Variants in GPR180 observed in about 807,000 individuals in gnomAD.
The protein encoded by GPR180 is integral membrane protein GPR180.
GPR180 carries 53 observed loss-of-function variants against 52.6 expected under a neutral mutation model. The ratio of observed to expected loss-of-function variants is 1.01; its 90% confidence interval spans 0.81 to 1.27. GPR180 has a LOEUF of 1.27. GPR180 is among the 50% of genes most tolerant of loss of function. The pLI is 0.00. For missense variants in GPR180, 533 were observed against 527.0 expected (o/e 1.01, Z -0.11); for synonymous variants, 200 against 193.1 (o/e 1.04, Z -0.30).
intron 2 of GPR180, 132 bp downstream of exon 2, chr13:94,605,681 C>T (rs1226981972): frequency 4.4e-6 from 3 of 675,840 alleles, no homozygotes; most frequent in Middle Eastern, 4.0e-4. Flanking sequence ...TTGTCTAGTA[C>T]ATTTTAAGCT....
At chr13:94,624,087 G>C (rs1172052690) in intron 7 of GPR180, among the ~76,000 whole-genome samples, 1 of 152,144 alleles carries the variant, frequency 6.6e-6, no homozygotes, top group Non-Finnish European at 1.5e-5. Flanking sequence ...ACATGAGATC[G>C]TGTCACTTTA....
Position 94,601,987 on chromosome 13 carries a change from C to T in GPR180, c.60C>T (p.Ser20=), listed in dbSNP as rs1279198737. The part of the protein sequence containing the change: ...ALTCCWWPQG[S]QGKTLRGSFS... ...CGTGCTGCTGGTGGCCGCAGGGCAG[C>T]CAGGGTAAGACCCTGCGGGGCAGCT... The change falls in exon 1 of 9, where the codon AGC becomes AGT. Residue 20 remains serine, a synonymous_variant. Coordinates refer to ENST00000376958, the MANE Select transcript of GPR180 (RefSeq NM_180989.6). The T allele has an allele frequency of 1.0e-5, 15 of 1,495,694 alleles. No individual in the cohort carries two copies. Among genetic ancestry groups the T allele is most frequent in the Non-Finnish European group, 1.3e-5 (15 of 1,128,056 alleles). 92.7% of individuals were successfully genotyped at this position (1,495,694 alleles called of 1,614,324 possible).
rs758708980 is a variant in GPR180 at position 94,631,979 on chromosome 13, A to C, written c.*4808A>C. 1.3e-5 allele frequency: 2 copies of C among 152,214 alleles called. No homozygotes were observed. The highest frequency in any genetic ancestry group is 1.3e-4 in the Admixed American group (2 of 15,278). The allele number at this position is 152,214 out of a possible 1,614,324, so 9.4% of individuals were successfully genotyped here. On this transcript the variant is annotated 3_prime_UTR_variant, in exon 9 of 9. Transcript: ENST00000376958. ...GTCAGCTAGAGGAGGGAATGTTGAC[A>C]GTAGTCAGAAGCAGCTGGGAAAAGA...
chr13:94,605,729 G>A (rs111362190), intron 2 of GPR180, among the ~76,000 whole-genome samples, 180 bp downstream of exon 2: 6 of 151,254 alleles, frequency 4.0e-5, no homozygotes, highest in African/African-American at 9.7e-5. Flanking sequence ...ATCATTCATC[G>A]TTTTTGAAAA....
At position 94,626,980 on chromosome 13, in the gene GPR180, G is replaced by A. The variant is rs777625293; in HGVS notation, c.1165-33G>A. The A allele has an allele frequency of 6.8e-6, 10 of 1,479,678 alleles. No individual in the cohort carries two copies. The South Asian group carries it at 1.0e-4, about 15-fold the overall frequency. 91.7% of individuals were successfully genotyped at this position (1,479,678 alleles called of 1,614,324 possible). A position where few individuals can be genotyped will look rare whatever the true frequency, so the allele number is the denominator to read the frequency against. ...GAATATTATTTCTCTATTTCTGCAT[G>A]TAGTAAAAGCATTCCTTTCCTTTTC... On this transcript the variant is annotated intron_variant, in intron 8 of 8. Coordinates refer to ENST00000376958, the MANE Select transcript of GPR180 (RefSeq NM_180989.6).
intron 4 of GPR180, 59 bp downstream of exon 4, chr13:94,619,389 C>T: frequency 6.3e-7 from 1 of 1,595,064 alleles, no homozygotes; most frequent in African/African-American, 1.3e-5. Flanking sequence ...CTAATTAGTC[C>T]ACCAAAATTA....
In GPR180 at chr13:94,627,164, A is replaced by G; in HGVS notation, c.1316A>G (p.His439Arg). The G allele has an allele frequency of 1.2e-6, 2 of 1,611,986 alleles. No individual in the cohort carries two copies. The highest frequency in any genetic ancestry group is 1.7e-6 in the Non-Finnish European group (2 of 1,179,216). Residue 439 changes from histidine to arginine, a missense_variant, in exon 9 of 9, where the codon CAT becomes CGT. By Grantham distance (29) the His-to-Arg change is conservative (BLOSUM62 0). Coordinates refer to ENST00000376958, the MANE Select transcript of GPR180 (RefSeq NM_180989.6). ...TISSGHKSRP[H>R]F ...TCATCTGGACACAAAAGTCGCCCTCATTTCTGATACTTGATTTTTGTTGAG... is the reference window on the plus strand; with the variant it reads ...TCATCTGGACACAAAAGTCGCCCTCGTTTCTGATACTTGATTTTTGTTGAG...
intron 2 of GPR180, among the ~76,000 whole-genome samples, chr13:94,608,282 T>A (rs1227750442): frequency 6.6e-6 from 1 of 152,202 alleles, no homozygotes; most frequent in Non-Finnish European, 1.5e-5. Context: ...TTCATGATAG[T>A]TCCAAAATGC....
intron 1 of GPR180, among the ~76,000 whole-genome samples, chr13:94,602,325 G>A (rs1036170531): frequency 2.0e-5 from 3 of 152,210 alleles, no homozygotes; most frequent in Non-Finnish European, 4.4e-5. Context: ...GCACCTGAAA[G>A]CTGGTTTCCA....
chr13:94,619,025 G>T (rs1944685926), intron 3 of GPR180, 125 bp from the exon 4 acceptor site: 1 of 780,304 alleles, frequency 1.3e-6, no homozygotes. Context: ...TCTTACAAAG[G>T]TGAATGCTAT....
At chr13:94,619,641 G>A in intron 5 of GPR180, 124 bp downstream of exon 5, 1 of 777,418 alleles carries the variant, frequency 1.3e-6, no homozygotes, top group Non-Finnish European at 2.1e-6. Context: ...ACTGAGAACA[G>A]GATTACAGTT....
Position 94,623,284 on chromosome 13 carries a change from A to G in GPR180, c.1070A>G (p.Tyr357Cys), listed in dbSNP as rs1293628957. Reference protein sequence around the residue: ...VERSTLKREFYITFAKGCILW... With the variant: ...VERSTLKREFCITFAKGCILW... ...AGAAGTACACTCAAAAGGGAGTTCT[A>G]CATCACATTTGCCAAAGTATGGGTT... The change falls in exon 7 of 9, where the codon TAC (tyrosine) becomes TGC (cysteine). Residue 357 changes from tyrosine (Y) to cysteine (C), a missense_variant. Physicochemically the swap from Tyr to Cys is radical, Grantham distance 194. Transcript: ENST00000376958. 3.1e-6 allele frequency: 5 copies of G among 1,612,004 alleles called. No individual in the cohort carries two copies. The highest frequency in any genetic ancestry group is 4.5e-5 in the East Asian group (2 of 44,864).
At chr13:94,623,322 C>A (rs4296139) in intron 7 of GPR180, 22 bp downstream of exon 7, 2 of 1,577,048 alleles carry the variant, frequency 1.3e-6, no homozygotes, top group South Asian at 2.2e-5. Flanking sequence ...GAAAGAAAAT[C>A]GTTTATTCTG....
At chr13:94,619,845 AGTAGCT>A (rs1483760365) in intron 5 of GPR180, among the ~76,000 whole-genome samples, 3 of 152,014 alleles carry the variant, frequency 2.0e-5, no homozygotes, top group African/African-American at 4.8e-5. Flanking sequence ...AGGCCTTCCC[AGTAGCT>A]GGGATTACAG....
At chr13:94,611,071 G>C (rs1184600459) in intron 2 of GPR180, among the ~76,000 whole-genome samples, 1 of 152,148 alleles carries the variant, frequency 6.6e-6, no homozygotes, top group African/African-American at 2.4e-5. Context: ...GAAAGTGAGT[G>C]TCATTGCTTA....
In GPR180 at chr13:94,628,060, G is replaced by A. The variant is rs1251549458; in HGVS notation, c.*889G>A. On this transcript the variant is annotated 3_prime_UTR_variant, in exon 9 of 9. Coordinates refer to ENST00000376958, the MANE Select transcript of GPR180 (RefSeq NM_180989.6). ...AACAGAAGCATTTCACATAAATGTTGGTTTCAGTCATCAACTACCCATGAA... is the reference window on the plus strand; with the variant it reads ...AACAGAAGCATTTCACATAAATGTTAGTTTCAGTCATCAACTACCCATGAA... 1 of 152,388 alleles carries A rather than the reference G, an allele frequency of 6.6e-6. No homozygotes were observed. The highest frequency in any genetic ancestry group is 1.5e-5 in the Non-Finnish European group (1 of 67,878). The allele number at this position is 152,388 out of a possible 1,614,324, so 9.4% of individuals were successfully genotyped here.
intron 1 of GPR180, among the ~76,000 whole-genome samples, chr13:94,604,589 CAA>C (rs1290697030): frequency 7.0e-6 from 1 of 142,870 alleles, no homozygotes; most frequent in African/African-American, 2.6e-5. Flanking sequence ...CACTCTGTCT[CAA>C]AAAAAAAAGA....
At position 94,619,273 on chromosome 13, in the gene GPR180, C is replaced by T. The variant is rs745940659; in HGVS notation, c.629C>T (p.Thr210Ile). Residue 210 changes from threonine (T) to isoleucine (I), a missense_variant, in exon 4 of 9, where the codon ACA (threonine) becomes ATA (isoleucine). Thr to Ile is a moderately conservative substitution (Grantham distance 89). Transcript: ENST00000376958. ...GPMHMILKVL[T>I]TALLLQAGSA... ...ATGCACATGATTTTAAAGGTTCTGA[C>T]AACTGCATTGCTGTTACAAGCTGGT... is the stretch of plus-strand genomic sequence containing the variant. 58 of 1,614,122 alleles carry T rather than the reference C, an allele frequency of 3.6e-5. No individual in the cohort carries two copies. Among genetic ancestry groups the T allele is most frequent in the Non-Finnish European group, 4.9e-5 (58 of 1,180,002 alleles).
intron 3 of GPR180, among the ~76,000 whole-genome samples, chr13:94,616,236 A>G (rs1889776436): frequency 1.3e-5 from 2 of 152,216 alleles, no homozygotes; most frequent in Non-Finnish European, 1.5e-5. Context: ...GTAAGTTGAC[A>G]TGAAAGAAAG....
Sources: allele counts gnomAD v4.1 joint callset (sites outside exome capture counted in the v4.1 genomes callset), GRCh38; gene constraint gnomAD v4.1.1; transcripts MANE v1.5; gene names NCBI Gene and HGNC (gene_info 2026-07-23, HGNC 2026-07-21).